GRIN2B: variants seen among roughly 807,000 people sequenced by gnomAD.
GRIN2B encodes glutamate ionotropic receptor NMDA type subunit 2B, also known as glutamate receptor ionotropic, NMDA 2B.
GRIN2B carries 5 observed loss-of-function variants against 114.5 expected under a neutral mutation model. The observed-to-expected ratio is 0.04, with a 90% CI of 0.02 to 0.09. GRIN2B has a LOEUF of 0.09. Ranked by LOEUF, GRIN2B falls within the 10% of genes least tolerant of loss-of-function variation. GRIN2B has a pLI of 1.00. For missense variants in GRIN2B, 1,108 were observed against 1,943.5 expected (o/e 0.57, Z 8.08); for synonymous variants, 787 against 745.1 (o/e 1.06, Z -0.92).
chr12:13,975,761 A>T (rs368878619), intron 2 of GRIN2B, among the ~76,000 whole-genome samples: 4 of 152,358 alleles, frequency 2.6e-5, no homozygotes, highest in African/African-American at 9.6e-5. Flanking sequence ...AGGAGTGCAC[A>T]AACTTCTTAG....
intron 4 of GRIN2B, among the ~76,000 whole-genome samples, chr12:13,690,199 T>C (rs1325733298): frequency 6.6e-6 from 1 of 152,022 alleles, no homozygotes; most frequent in Non-Finnish European, 1.5e-5. Context: ...TATTGATTTG[T>C]TTTTCACTTG....
At chr12:13,794,583 A>T (rs1011645513) in intron 3 of GRIN2B, among the ~76,000 whole-genome samples, 1 of 152,222 alleles carries the variant, frequency 6.6e-6, no homozygotes, top group Admixed American at 6.5e-5. Context: ...TTTTACATCA[A>T]TATGTCTCCA....
chr12:13,856,043 C>T (rs991595489), intron 3 of GRIN2B, among the ~76,000 whole-genome samples: 3 of 152,154 alleles, frequency 2.0e-5, no homozygotes, highest in African/African-American at 7.2e-5. Context: ...ACGAAGAGGG[C>T]ACAGGTGACG....
chr12:13,928,302 C>CAAAA (rs745858482), intron 2 of GRIN2B, among the ~76,000 whole-genome samples: 1 of 88,058 alleles, frequency 1.1e-5, no homozygotes. Context: ...GACTTCATCT[C>CAAAA]AAAAAAAAAA....
At chr12:13,849,605 C>T (rs567793572) in intron 3 of GRIN2B, among the ~76,000 whole-genome samples, 1 of 152,100 alleles carries the variant, frequency 6.6e-6, no homozygotes, top group South Asian at 2.1e-4. Context: ...GGCAAGCAGC[C>T]AGCTTGGGCC....
At chr12:13,894,004 A>C (rs572270261) in intron 2 of GRIN2B, among the ~76,000 whole-genome samples, 170 of 152,256 alleles carry the variant, frequency 1.1e-3, no homozygotes, top group African/African-American at 4.0e-3. Context: ...TTACAGAAAT[A>C]AAAACACAGC....
rs369099322 is a variant in GRIN2B, at chr12:13,813,068, T to C, written c.411+52730A>G. ...AATTCTTCTGCCTCAGCCTCCCAAC[T>C]AGCTGGGACTACAGACGTCCGCCAC... On this transcript the variant is annotated intron_variant, in intron 3 of 13. Coordinates refer to ENST00000609686, the MANE Select transcript of GRIN2B (RefSeq NM_000834.5). Among the ~76,000 whole-genome samples the C allele has an allele frequency of 2.6e-4, 39 of 151,222 alleles. No individual in the cohort carries two copies. In the East Asian group the frequency reaches 7.7e-3, roughly 30 times the overall value.
At chr12:13,657,809 T>A (rs991542271) in intron 5 of GRIN2B, among the ~76,000 whole-genome samples, 2 of 152,218 alleles carry the variant, frequency 1.3e-5, no homozygotes, top group African/African-American at 4.8e-5. Context: ...TACGATTTAA[T>A]ATATTTATGA....
chr12:13,941,242 T>A (rs219908), intron 2 of GRIN2B, among the ~76,000 whole-genome samples: 1 of 151,992 alleles, frequency 6.6e-6, no homozygotes, highest in Non-Finnish European at 1.5e-5. Context: ...ATTTTTAGTA[T>A]TTTGATACTC....
At chr12:13,678,074 G>T (rs1950092474) in intron 4 of GRIN2B, among the ~76,000 whole-genome samples, 1 of 152,084 alleles carries the variant, frequency 6.6e-6, no homozygotes, top group Admixed American at 6.6e-5. Flanking sequence ...AGAAATCTTG[G>T]AATAGCCAAC....
chr12:13,606,069 C>A (rs1265867465), intron 10 of GRIN2B, among the ~76,000 whole-genome samples: 2 of 152,196 alleles, frequency 1.3e-5, no homozygotes, highest in African/African-American at 4.8e-5. Context: ...TCTGCCACAG[C>A]CTCATGTGAA....
intron 5 of GRIN2B, among the ~76,000 whole-genome samples, chr12:13,654,911 T>C (rs571634811): frequency 6.6e-6 from 1 of 152,058 alleles, no homozygotes; most frequent in South Asian, 2.1e-4. Flanking sequence ...GCTACTTCAC[T>C]GAAGGTTTTA....
At chr12:13,710,553 G>A (rs976969366) in intron 4 of GRIN2B, among the ~76,000 whole-genome samples, 3 of 152,156 alleles carry the variant, frequency 2.0e-5, no homozygotes, top group Admixed American at 6.5e-5. Flanking sequence ...AAATCAATGT[G>A]CAAAAATCAC....
At position 13,597,255 on chromosome 12, in the gene GRIN2B, G is replaced by A. The variant is rs1370728337; in HGVS notation, c.2010+11348C>T. On this transcript the variant is annotated intron_variant, in intron 10 of 13. Transcript: ENST00000609686. ...GAAAAACATCAAGGTCTGGAGGCAC[G>A]GAATCTAAGGCCAATTTGCACTGAC... 5.9e-5 allele frequency among the ~76,000 whole-genome samples: 9 copies of A among 152,292 alleles called. No homozygotes were observed. The South Asian group carries it at 1.0e-3, about 18-fold the overall frequency.
chr12:13,962,658 G>A (rs1025716855), intron 2 of GRIN2B, among the ~76,000 whole-genome samples: 10 of 152,164 alleles, frequency 6.6e-5, no homozygotes, highest in African/African-American at 1.7e-4. Flanking sequence ...ATATCTGCCC[G>A]GCAGAGGACT....
At position 13,538,842 on chromosome 12, in the gene GRIN2B, CAAAA is replaced by C. The variant is rs201741141; in HGVS notation, c.*23937_*23940del. The C allele has an allele frequency of 3.3e-5, 5 of 149,954 alleles. No homozygotes were observed. Among genetic ancestry groups the C allele is most frequent in the Admixed American group, 1.3e-4 (2 of 15,082 alleles). The allele number at this position is 149,954 out of a possible 1,614,324, so 9.3% of individuals were successfully genotyped here. On this transcript the variant is annotated 3_prime_UTR_variant, in exon 14 of 14. Coordinates refer to ENST00000609686, the MANE Select transcript of GRIN2B (RefSeq NM_000834.5). Reference sequence around the variant, plus strand: ...AACAAACAAACAAAAAAAAAACAAACAAAAAAACAAAAACAACAGAAAAATCAGA... The same window carrying C: ...AACAAACAAACAAAAAAAAAACAAACAAACAAAAACAACAGAAAAATCAGA...
chr12:13,756,109 C>T (rs1392571796), intron 3 of GRIN2B, among the ~76,000 whole-genome samples: 1 of 152,178 alleles, frequency 6.6e-6, no homozygotes, highest in Non-Finnish European at 1.5e-5. Context: ...CCTCCACCTC[C>T]CGGGTTCAAG....
intron 3 of GRIN2B, among the ~76,000 whole-genome samples, chr12:13,764,942 G>T (rs1008880979): frequency 2.6e-5 from 4 of 152,136 alleles, no homozygotes; most frequent in Non-Finnish European, 4.4e-5. Context: ...CTTCACAATG[G>T]GGCCTCTGCC....
At position 13,785,363 on chromosome 12, in the gene GRIN2B, C is replaced by T. The variant is rs1864205899; in HGVS notation, c.412-31448G>A. Among the ~76,000 whole-genome samples, 5 of 152,304 alleles carry T rather than the reference C, an allele frequency of 3.3e-5. No individual in the cohort carries two copies. In the South Asian group the frequency reaches 8.3e-4, roughly 25 times the overall value. On this transcript the variant is annotated intron_variant, in intron 3 of 13. Transcript: ENST00000609686. ...TAAAAAGTTTAGACCTTTCCTATCACGTACAGAATGAAGTGTGAACTACTC... is the reference window on the plus strand; with the variant it reads ...TAAAAAGTTTAGACCTTTCCTATCATGTACAGAATGAAGTGTGAACTACTC...
Sources: gnomAD v4.1 joint callset for allele counts (sites outside exome capture counted in the v4.1 genomes callset) on GRCh38, gnomAD v4.1.1 for gene constraint, MANE v1.5 for transcripts, NCBI Gene and HGNC (gene_info 2026-07-23, HGNC 2026-07-21) for gene names.